The following SLC10A2 variants were observed in gnomAD, a reference collection of about 807,000 sequenced individuals.
The protein encoded by SLC10A2 is solute carrier family 10 member 2, also known as ileal sodium/bile acid cotransporter.
Under a neutral mutation model 27.1 loss-of-function variants are expected in SLC10A2, and 34 were observed. That is an observed-to-expected ratio of 1.26 (90% CI 0.96 to 1.67). The LOEUF is 1.67. Ranked by LOEUF, SLC10A2 falls within the 40% of genes most tolerant of loss-of-function variation. The probability of loss-of-function intolerance (pLI) is 0.00; values close to 1 mark genes in which losing one functional copy is unlikely to be tolerated. For missense variants in SLC10A2, 530 were observed against 444.4 expected, an observed-to-expected ratio of 1.19 and a Z score of -1.73; for synonymous variants, 205 against 174.0, an observed-to-expected ratio of 1.18 and a Z score of -1.40.
chr13:103,053,024 A>G (rs1875832784), intron 2 of SLC10A2, among the ~76,000 whole-genome samples: 1 of 151,716 alleles, frequency 6.6e-6, no homozygotes, highest in Non-Finnish European at 1.5e-5. Context: ...AATTTGTCAG[A>G]ATCTTGGCTT....
At chr13:103,054,510 A>G (rs145695973) in intron 2 of SLC10A2, among the ~76,000 whole-genome samples, 12 of 152,262 alleles carry the variant, frequency 7.9e-5, no homozygotes, top group Admixed American at 2.0e-4. Flanking sequence ...GGTAGCTTAA[A>G]TCTAGCTGCA....
In SLC10A2 at chr13:103,065,971, G is replaced by A; in HGVS notation, c.279C>T (p.Leu93=). 2 of 1,614,146 alleles carry A rather than the reference G, an allele frequency of 1.2e-6. No individual in the cohort carries two copies. The highest frequency in any genetic ancestry group is 1.7e-6 in the Non-Finnish European group (2 of 1,180,000). The change falls in exon 1 of 6, where the codon CTC becomes CTT. Residue 93 remains leucine (L), a synonymous_variant. Transcript: ENST00000245312. ...TGAGCACCACTACGGCCTGGAGCGG[G>A]AGGATGTCAAAGGCCACCGACAGGA... is the stretch of plus-strand genomic sequence containing the variant. ...GFILSVAFDI[L]PLQAVVVLII... is the part of the protein sequence containing the mutation.
Position 103,045,377 on chromosome 13 carries a change from C to A in SLC10A2, c.*756G>T, listed in dbSNP as rs141632500. On this transcript the variant is annotated 3_prime_UTR_variant, in exon 6 of 6. Transcript: ENST00000245312. ...GAAGAGCTCTTTGCCAAATACACACCGTTTGAAAGAATTATGTTTTTCCTT... is the reference window on the plus strand; with the variant it reads ...GAAGAGCTCTTTGCCAAATACACACAGTTTGAAAGAATTATGTTTTTCCTT... The A allele has an allele frequency of 1.3e-5, 2 of 152,212 alleles. No individual in the cohort carries two copies. The highest frequency in any genetic ancestry group is 4.8e-5 in the African/African-American group (2 of 41,412). 9.4% of individuals were successfully genotyped at this position (152,212 alleles called of 1,614,324 possible). A position where few individuals can be genotyped will look rare whatever the true frequency, so the allele number is the denominator to read the frequency against.
At chr13:103,053,936 T>G (rs1566512633) in intron 2 of SLC10A2, among the ~76,000 whole-genome samples, 1 of 152,156 alleles carries the variant, frequency 6.6e-6, no homozygotes, top group Non-Finnish European at 1.5e-5. Context: ...ACACACGTAC[T>G]GCTGAGATGC....
rs1041441530 is a variant in SLC10A2, at chr13:103,045,925, C to T, written c.*208G>A. On this transcript the variant is annotated 3_prime_UTR_variant, in exon 6 of 6. Transcript: ENST00000245312. ...TATGAGTATACATACATATATAAAA[C>T]ATATACATATATATAGGAAACAATA... is the stretch of plus-strand genomic sequence containing the variant. 3.8e-6 allele frequency: 2 copies of T among 526,150 alleles called. No homozygotes were observed. Among genetic ancestry groups the T allele is most frequent in the Admixed American group, 6.3e-5 (2 of 31,694 alleles). The allele number at this position is 526,150 out of a possible 1,614,324, so 32.6% of individuals were successfully genotyped here.
chr13:103,061,083 A>G (rs1347265853), intron 1 of SLC10A2, among the ~76,000 whole-genome samples: 1 of 152,198 alleles, frequency 6.6e-6, no homozygotes, highest in Non-Finnish European at 1.5e-5. Flanking sequence ...ATTTAGATAA[A>G]AATACTTGTT....
At chr13:103,051,622 T>A (rs1363518096) in intron 3 of SLC10A2, among the ~76,000 whole-genome samples, 190 bp from the exon 4 acceptor site, 1 of 152,230 alleles carries the variant, frequency 6.6e-6, no homozygotes, top group Non-Finnish European at 1.5e-5. Context: ...TCCCATGCTT[T>A]AAGCTTTAAG....
At chr13:103,050,887 T>G (rs1220791252) in intron 4 of SLC10A2, among the ~76,000 whole-genome samples, 10 of 152,166 alleles carry the variant, frequency 6.6e-5, no homozygotes, top group Admixed American at 6.5e-4. Flanking sequence ...TGACATTATG[T>G]GGGAACAGGG....
chr13:103,052,431 A>G (rs1875809944), intron 3 of SLC10A2, among the ~76,000 whole-genome samples, 189 bp downstream of exon 3: 1 of 74,776 alleles, frequency 1.3e-5, no homozygotes, highest in Non-Finnish European at 2.7e-5. Flanking sequence ...CAACATAGTG[A>G]GATCCCACCT....
At chr13:103,046,383 C>T (rs1875612446) in intron 5 of SLC10A2, 123 bp from the exon 6 acceptor site, 1 of 806,028 alleles carries the variant, frequency 1.2e-6, no homozygotes, top group African/African-American at 1.7e-5. Flanking sequence ...CTGGAGGCTG[C>T]TTAGAGAAAG....
intron 1 of SLC10A2, 46 bp downstream of exon 1, chr13:103,065,827 A>C: frequency 6.2e-7 from 1 of 1,610,436 alleles, no homozygotes; most frequent in Non-Finnish European, 8.5e-7. Context: ...TTCTGGAAGG[A>C]TTACTCCAAG....
At chr13:103,060,820 T>G (rs1876093887) in intron 1 of SLC10A2, among the ~76,000 whole-genome samples, 1 of 152,158 alleles carries the variant, frequency 6.6e-6, no homozygotes, top group African/African-American at 2.4e-5. Flanking sequence ...GAGTAGTAAT[T>G]TCTTAAGGGT....
intron 5 of SLC10A2, among the ~76,000 whole-genome samples, chr13:103,047,757 T>G (rs890985458): frequency 1.3e-5 from 2 of 152,146 alleles, no homozygotes; most frequent in Non-Finnish European, 2.9e-5. Context: ...TTCAACTTAA[T>G]TTTTTATTAA....
At chr13:103,064,798 A>C (rs1876223285) in intron 1 of SLC10A2, among the ~76,000 whole-genome samples, 1 of 152,142 alleles carries the variant, frequency 6.6e-6, no homozygotes, top group South Asian at 2.1e-4. Context: ...CTTATGTGAA[A>C]GACTAAACCA....
chr13:103,051,531 G>C, intron 3 of SLC10A2, 99 bp from the exon 4 acceptor site: 2 of 1,304,840 alleles, frequency 1.5e-6, no homozygotes, highest in South Asian at 2.5e-5. Context: ...CTTGTCCCTG[G>C]GGGAAGTGAT....
chr13:103,049,032 C>G (rs1369750120), intron 5 of SLC10A2, among the ~76,000 whole-genome samples: 1 of 152,208 alleles, frequency 6.6e-6, no homozygotes, highest in African/African-American at 2.4e-5. Context: ...TTCCTTATTA[C>G]TGAGGAAAAG....
Position 103,051,263 on chromosome 13 carries a change from C to A in SLC10A2, c.755G>T (p.Trp252Leu), listed in dbSNP as rs1440547095. Residue 252 changes from tryptophan (W) to leucine (L), a missense_variant, in exon 4 of 6, where the codon TGG becomes TTG. Coordinates refer to ENST00000245312, the MANE Select transcript of SLC10A2 (RefSeq NM_000452.3). ...FLLARIAGLP[W>L]YRCRTVAFET... ...GATTTACTAAATGCCATACCTGTAC[C>A]AGGGTAGACCAGCAATTCTAGCCAG... 1 of 1,613,852 alleles carries A rather than the reference C, an allele frequency of 6.2e-7. No individual in the cohort carries two copies. The highest frequency in any genetic ancestry group is 1.1e-5 in the South Asian group (1 of 91,068).
At chr13:103,048,580 A>G (rs1595437324) in intron 5 of SLC10A2, among the ~76,000 whole-genome samples, 1 of 152,048 alleles carries the variant, frequency 6.6e-6, no homozygotes, top group East Asian at 1.9e-4. Context: ...TAGCTTTTTT[A>G]TTAAAAAAAA....
intron 1 of SLC10A2, among the ~76,000 whole-genome samples, chr13:103,063,256 C>T (rs543317041): frequency 6.6e-6 from 1 of 151,948 alleles, no homozygotes; most frequent in African/African-American, 2.4e-5. Context: ...AATGCGGTGG[C>T]TTTCCAGGTT....
Sources: allele counts gnomAD v4.1 joint callset (sites outside exome capture counted in the v4.1 genomes callset), GRCh38; gene constraint gnomAD v4.1.1; transcripts MANE v1.5; gene names NCBI Gene and HGNC (gene_info 2026-07-23, HGNC 2026-07-21).